The following SPAG16 variants were observed in gnomAD, a reference collection of about 807,000 sequenced individuals.
The protein encoded by SPAG16 is sperm-associated antigen 16 protein.
Under a neutral mutation model 80.4 loss-of-function variants are expected in SPAG16, and 86 were observed. The ratio of observed to expected loss-of-function variants is 1.07; its 90% CI spans 0.90 to 1.28. SPAG16 has a LOEUF of 1.28. Ranked by LOEUF, SPAG16 falls within the 50% of genes most tolerant of loss-of-function variation. The pLI, the probability that SPAG16 is intolerant of heterozygous loss-of-function variation, is 0.00. For synonymous variants in SPAG16, 294 were observed against 265.9 expected (o/e 1.11, Z -1.03); for missense variants, 870 against 765.3 (o/e 1.14, Z -1.61).
chr2:213,519,436 A>G (rs921904938), intron 10 of SPAG16, among the ~76,000 whole-genome samples: 10 of 152,202 alleles, frequency 6.6e-5, no homozygotes, highest in African/African-American at 1.7e-4. Flanking sequence ...ATGATAATGA[A>G]TAAGTCTCAT....
At chr2:214,133,956 A>T (rs2125507980) in intron 14 of SPAG16, among the ~76,000 whole-genome samples, 1 of 152,278 alleles carries the variant, frequency 6.6e-6, no homozygotes, top group Non-Finnish European at 1.5e-5. Flanking sequence ...TACGTGGGGA[A>T]CTTCCAAGTG....
At position 214,186,768 on chromosome 2, in the gene SPAG16, T is replaced by G. The variant is rs539716226; in HGVS notation, c.1720+37502T>G. Among the ~76,000 whole-genome samples, 11 of 148,824 alleles carry G rather than the reference T, an allele frequency of 7.4e-5. No individual in the cohort carries two copies. In the South Asian group the frequency reaches 8.6e-4, roughly 12 times the overall value. On this transcript the variant is annotated intron_variant, in intron 15 of 15. Transcript: ENST00000331683. The stretch of plus-strand genomic sequence containing the variant: ...AAGTAGTTGTTTTTTTGTTTTTTTG[T>G]TTTTTTTTTGAAATGGAGTCTCACT...
chr2:213,934,768 C>A (rs1187282470), intron 12 of SPAG16, among the ~76,000 whole-genome samples: 1 of 152,124 alleles, frequency 6.6e-6, no homozygotes, highest in Non-Finnish European at 1.5e-5. Flanking sequence ...GAATGGAATA[C>A]CAGTGACAAT....
chr2:214,384,186 G>A (rs1700619430), intron 15 of SPAG16, among the ~76,000 whole-genome samples: 1 of 152,162 alleles, frequency 6.6e-6, no homozygotes, highest in African/African-American at 2.4e-5. Flanking sequence ...GGCCACTGAA[G>A]ATATTGGAGT....
intron 10 of SPAG16, among the ~76,000 whole-genome samples, chr2:213,575,569 G>A (rs1200790406): frequency 6.6e-6 from 1 of 151,998 alleles, no homozygotes; most frequent in African/African-American, 2.4e-5. Context: ...TTTCCCCAGT[G>A]ACTTCCACTG....
At chr2:213,914,775 T>C (rs946583352) in intron 11 of SPAG16, among the ~76,000 whole-genome samples, 6 of 152,332 alleles carry the variant, frequency 3.9e-5, no homozygotes, top group African/African-American at 1.4e-4. Context: ...GTTGGCCACA[T>C]GTATGTCTTC....
chr2:214,194,043 A>G lies in SPAG16; in HGVS notation c.1720+44777A>G, dbSNP rs77250846. On this transcript the variant is annotated intron_variant, in intron 15 of 15. Transcript: ENST00000331683. Reference sequence around the variant, plus strand: ...ATTACTCTTTATATAATACTCAACTATTATAGTCAGAAAATGCTAAACATG... The same window carrying G: ...ATTACTCTTTATATAATACTCAACTGTTATAGTCAGAAAATGCTAAACATG... Among the ~76,000 whole-genome samples the G allele has an allele frequency of 6.9e-3, 1,047 of 152,206 alleles. 52 individuals carry two copies. The East Asian group carries it at 0.13, about 19-fold the overall frequency.
chr2:214,355,568 G>T (rs1698727230), intron 15 of SPAG16, among the ~76,000 whole-genome samples: 1 of 137,558 alleles, frequency 7.3e-6, no homozygotes, highest in East Asian at 2.2e-4. Context: ...CTTGTATACT[G>T]TTGGTGGGAC....
At chr2:213,409,649 T>C in intron 9 of SPAG16, among the ~76,000 whole-genome samples, 1 of 152,214 alleles carries the variant, frequency 6.6e-6, no homozygotes, top group East Asian at 1.9e-4. Flanking sequence ...TACAAAGTTT[T>C]ATTAAAACTA....
chr2:213,486,407 A>T (rs1011044909), intron 9 of SPAG16, among the ~76,000 whole-genome samples: 1 of 152,170 alleles, frequency 6.6e-6, no homozygotes, highest in Non-Finnish European at 1.5e-5. Flanking sequence ...TATTCATAAT[A>T]GCTGAAATAT....
At chr2:213,456,859 T>A (rs1033943924) in intron 9 of SPAG16, among the ~76,000 whole-genome samples, 1 of 152,196 alleles carries the variant, frequency 6.6e-6, no homozygotes, top group Non-Finnish European at 1.5e-5. Flanking sequence ...TATGGATTAA[T>A]ATTTTTTCTT....
chr2:213,696,927 G>A (rs895664453), intron 10 of SPAG16, among the ~76,000 whole-genome samples: 2 of 152,162 alleles, frequency 1.3e-5, no homozygotes, highest in Non-Finnish European at 2.9e-5. Flanking sequence ...TATAAAGTGG[G>A]AAGATTCTAG....
intron 10 of SPAG16, among the ~76,000 whole-genome samples, chr2:213,566,415 A>G (rs925890313): frequency 3.3e-5 from 5 of 152,144 alleles, no homozygotes; most frequent in African/African-American, 1.2e-4. Flanking sequence ...TGTTTCTCTC[A>G]CCCCCTTCAA....
intron 11 of SPAG16, among the ~76,000 whole-genome samples, chr2:213,873,475 A>G (rs1409300132): frequency 6.6e-6 from 1 of 151,440 alleles, no homozygotes; most frequent in Admixed American, 6.6e-5. Flanking sequence ...AATTTTCTAT[A>G]TATTTTTAAA....
intron 10 of SPAG16, among the ~76,000 whole-genome samples, chr2:213,540,332 G>A (rs574494069): frequency 6.6e-6 from 1 of 152,228 alleles, no homozygotes; most frequent in Non-Finnish European, 1.5e-5. Context: ...TTACAGGCAT[G>A]AGCCACCATG....
intron 14 of SPAG16, among the ~76,000 whole-genome samples, chr2:214,138,022 A>C (rs2055153197): frequency 6.6e-6 from 1 of 152,076 alleles, no homozygotes; most frequent in Non-Finnish European, 1.5e-5. Context: ...GATCACTCCC[A>C]CTGCCTTTTT....
intron 15 of SPAG16, among the ~76,000 whole-genome samples, chr2:214,158,121 A>T (rs762135523): frequency 9.9e-5 from 15 of 152,090 alleles, no homozygotes; most frequent in Non-Finnish European, 1.8e-4. Context: ...CAACTTTATC[A>T]TGAATAAAAT....
intron 10 of SPAG16, among the ~76,000 whole-genome samples, chr2:213,642,161 T>C (rs148208870): frequency 1.9e-4 from 29 of 152,310 alleles, no homozygotes; most frequent in African/African-American, 7.0e-4. Context: ...TCTCGCACTT[T>C]GGGAACGCAC....
chr2:214,336,221 T>C (rs1697279733), intron 15 of SPAG16, among the ~76,000 whole-genome samples: 1 of 152,246 alleles, frequency 6.6e-6, no homozygotes, highest in South Asian at 2.1e-4. Flanking sequence ...TGAAGTTCTT[T>C]GGTGCCTTTT....
Sources: allele counts gnomAD v4.1 joint callset (sites outside exome capture counted in the v4.1 genomes callset), GRCh38; gene constraint gnomAD v4.1.1; transcripts MANE v1.5; gene names NCBI Gene and HGNC (gene_info 2026-07-23, HGNC 2026-07-21).